Variants in ZBTB7C observed in about 807,000 individuals in gnomAD.
ZBTB7C encodes zinc finger and BTB domain-containing protein 7C.
A neutral mutation model predicts 25.7 loss-of-function variants in ZBTB7C; 8 were observed. That is an observed-to-expected ratio of 0.31 (90% CI 0.18 to 0.56). The LOEUF is 0.56. Ranked by LOEUF, ZBTB7C falls within the 20% of genes least tolerant of loss-of-function variation. ZBTB7C has a pLI of 0.91. For missense variants in ZBTB7C, 824 were observed against 855.2 expected (o/e 0.96, Z 0.46); for synonymous variants, 394 against 369.0 (o/e 1.07, Z -0.78).
intron 3 of ZBTB7C, among the ~76,000 whole-genome samples, chr18:48,073,880 T>C (rs557529622): frequency 6.6e-6 from 1 of 152,320 alleles, no homozygotes; most frequent in Admixed American, 6.5e-5. Context: ...CTCCTCACTC[T>C]GATTTGTCTC....
intron 1 of ZBTB7C, among the ~76,000 whole-genome samples, chr18:48,368,161 T>C (rs2047294679): frequency 6.8e-6 from 1 of 147,618 alleles, no homozygotes; most frequent in Non-Finnish European, 1.5e-5. Flanking sequence ...CTGACAAAGA[T>C]ATTAAAGTAG....
intron 1 of ZBTB7C, among the ~76,000 whole-genome samples, chr18:48,340,546 A>G (rs1298516531): frequency 1.3e-5 from 2 of 152,130 alleles, no homozygotes; most frequent in Admixed American, 6.5e-5. Flanking sequence ...AGGAGAAGAA[A>G]CTACACTCTT....
At chr18:48,102,624 C>A (rs907196760) in intron 3 of ZBTB7C, among the ~76,000 whole-genome samples, 1 of 149,566 alleles carries the variant, frequency 6.7e-6, no homozygotes, top group African/African-American at 2.5e-5. Context: ...GTAGACAGGG[C>A]ATGCTGAACT....
chr18:48,262,842 T>C (rs1216892465), intron 2 of ZBTB7C, among the ~76,000 whole-genome samples: 2 of 152,034 alleles, frequency 1.3e-5, no homozygotes, highest in Non-Finnish European at 2.9e-5. Context: ...AGACCAGTTA[T>C]AGAGCCTGAC....
intron 3 of ZBTB7C, among the ~76,000 whole-genome samples, chr18:48,055,623 C>G (rs549477080): frequency 6.6e-6 from 1 of 152,024 alleles, no homozygotes. Flanking sequence ...GTGAGACTCT[C>G]AGGAGACAGG....
intron 2 of ZBTB7C, among the ~76,000 whole-genome samples, chr18:48,281,633 A>T (rs1011995878): frequency 9.2e-5 from 14 of 152,238 alleles, no homozygotes; most frequent in Non-Finnish European, 2.1e-4. Context: ...TAACAACCCC[A>T]TCAACAAGTG....
At chr18:48,093,787 G>A (rs2038512751) in intron 3 of ZBTB7C, among the ~76,000 whole-genome samples, 1 of 152,184 alleles carries the variant, frequency 6.6e-6, no homozygotes, top group Non-Finnish European at 1.5e-5. Context: ...CAGGCGCGGT[G>A]GCTCACGCCT....
chr18:48,040,829 G>A lies in ZBTB7C; in HGVS notation c.279C>T (p.Tyr93=), dbSNP rs369735614. 2.0e-4 allele frequency: 321 copies of A among 1,613,808 alleles called. No individual in the cohort carries two copies. The highest frequency in any genetic ancestry group is 2.6e-4 in the Non-Finnish European group (309 of 1,179,906). ...EALAAILEFA[Y]TSTLTITAGN... ...CAGCGGTGATGGTGAGCGTGGAGGT[G>A]TAGGCGAACTCCAGGATAGCAGCCA... The change falls in exon 4 of 5, where the codon TAC becomes TAT. Residue 93 remains tyrosine (Y), a synonymous_variant. Coordinates refer to ENST00000590800, the MANE Select transcript of ZBTB7C (RefSeq NM_001318841.2).
At chr18:48,180,153 C>CCTTCCTTCCTTCCTTCCTTCTT (rs1568282894) in intron 3 of ZBTB7C, among the ~76,000 whole-genome samples, 3 of 57,304 alleles carry the variant, frequency 5.2e-5, no homozygotes. Flanking sequence ...CCTTCTTTCC[C>CCTTCCTTCCTTCCTTCCTTCTT]TCCCTCCCTC....
chr18:48,134,772 C>T (rs2040095468), intron 3 of ZBTB7C, among the ~76,000 whole-genome samples: 1 of 152,226 alleles, frequency 6.6e-6, no homozygotes, highest in African/African-American at 2.4e-5. Context: ...ACTGTTTGGG[C>T]CTCTTCTTGT....
chr18:48,137,673 C>G (rs1016244834), intron 3 of ZBTB7C, among the ~76,000 whole-genome samples: 1 of 152,186 alleles, frequency 6.6e-6, no homozygotes, highest in African/African-American at 2.4e-5. Flanking sequence ...AGAGGGAGTG[C>G]AGGAAGTAAC....
In ZBTB7C at chr18:48,208,793, C is replaced by T. The variant is rs567199321; in HGVS notation, c.-78-22798G>A. On this transcript the variant is annotated intron_variant, in intron 2 of 4. Transcript: ENST00000590800. ...GGTGTGCCACTTCCTTATTTGCTTT[C>T]CCTTTCCTGACTTAATTTGTGATTT... Among the ~76,000 whole-genome samples, 9 of 152,312 alleles carry T rather than the reference C, an allele frequency of 5.9e-5. No homozygotes were observed. The South Asian group carries it at 1.9e-3, about 32-fold the overall frequency.
At chr18:48,030,639 C>T (rs9952517) in intron 4 of ZBTB7C, among the ~76,000 whole-genome samples, 5,979 of 152,110 alleles carry the variant, frequency 0.039, 402 homozygotes, top group African/African-American at 0.14. Flanking sequence ...AGGGTGGGGG[C>T]GCCTGCACCT....
In ZBTB7C at chr18:48,040,188, T is replaced by C. The variant is rs1161634496; in HGVS notation, c.920A>G (p.Asn307Ser). The C allele has an allele frequency of 6.3e-7, 1 of 1,574,886 alleles. No individual in the cohort carries two copies. The highest frequency in any genetic ancestry group is 1.7e-4 in the Middle Eastern group (1 of 5,832). The change falls in exon 4 of 5, where the codon AAT becomes AGT. Residue 307 changes from asparagine (N) to serine (S), a missense_variant. Around this residue, in one of 4 missense-constraint regions of ZBTB7C, gnomAD observed 316 missense variants for 299.2 expected, o/e 1.06. Coordinates refer to ENST00000590800, the MANE Select transcript of ZBTB7C (RefSeq NM_001318841.2). Reference protein sequence around the residue: ...LPPPPPPPFPNDFFKDMFPDL... With the variant: ...LPPPPPPPFPSDFFKDMFPDL... ...AGGGAACATGTCCTTGAAGAAGTCA[T>C]TAGGGAAGGGTGGCGGTGGGGGTGG...
intron 3 of ZBTB7C, among the ~76,000 whole-genome samples, chr18:48,093,559 T>C (rs2038499158): frequency 6.6e-6 from 1 of 151,908 alleles, no homozygotes; most frequent in Non-Finnish European, 1.5e-5. Context: ...ACAATCCAGC[T>C]ATGTAAGTGA....
intron 3 of ZBTB7C, among the ~76,000 whole-genome samples, chr18:48,073,309 G>C (rs926545045): frequency 6.6e-6 from 1 of 152,150 alleles, no homozygotes; most frequent in Non-Finnish European, 1.5e-5. Flanking sequence ...AGACATAAAG[G>C]GCTACTGGCT....
rs564369613 is a variant in ZBTB7C, at chr18:48,368,790, T to C, written c.-303-30392A>G. Among the ~76,000 whole-genome samples, 44 of 21,962 alleles carry C rather than the reference T, an allele frequency of 2.0e-3. 1 individual carries two copies. Among genetic ancestry groups the C allele is most frequent in the Middle Eastern group, 0.029 (1 of 34 alleles). The allele number at this position is 21,962 out of a possible 152,430, so 14.4% of individuals were successfully genotyped here. A position where few individuals can be genotyped will look rare whatever the true frequency, so the allele number is the denominator to read the frequency against. On this transcript the variant is annotated intron_variant, in intron 1 of 4. Coordinates refer to ENST00000590800, the MANE Select transcript of ZBTB7C (RefSeq NM_001318841.2). ...GGAGATGAAAAGGAAGCAGCACATT[T>C]TTCAAGTGTGAAAAGAAATCCTATT...
At chr18:48,236,521 A>G (rs1000590895) in intron 2 of ZBTB7C, among the ~76,000 whole-genome samples, 1 of 152,242 alleles carries the variant, frequency 6.6e-6, no homozygotes, top group Non-Finnish European at 1.5e-5. Context: ...ATTTCGTTTG[A>G]GCTGGAGGAA....
At chr18:48,076,860 G>T (rs2037784569) in intron 3 of ZBTB7C, 1 of 868,484 alleles carries the variant, frequency 1.2e-6, no homozygotes, top group Non-Finnish European at 1.4e-6. Flanking sequence ...ATTATGCCCT[G>T]CCCAAAGCCC....
Sources: gnomAD v4.1 joint callset for allele counts (sites outside exome capture counted in the v4.1 genomes callset) on GRCh38, gnomAD v4.1.1 for gene constraint, gnomAD v4.1.1 regional missense constraint, MANE v1.5 for transcripts, NCBI Gene and HGNC (gene_info 2026-07-23, HGNC 2026-07-21) for gene names.